The following SEMA3A variants were observed in gnomAD, a reference collection of about 807,000 sequenced individuals.
The protein encoded by SEMA3A is semaphorin 3A, also known as semaphorin-3A.
SEMA3A carries 29 observed loss-of-function variants against 97.9 expected under a neutral mutation model. The observed-to-expected ratio is 0.30, with a 90% confidence interval of 0.22 to 0.40. The LOEUF (loss-of-function observed/expected upper bound fraction) is 0.40, where lower values mean the gene tolerates loss of function less well. Among genes scored for constraint, SEMA3A ranks in the 10% least tolerant of loss-of-function variants. The probability of loss-of-function intolerance (pLI) is 1.00; values close to 1 mark genes in which losing one functional copy is unlikely to be tolerated. For synonymous variants in SEMA3A, 321 were observed against 323.7 expected (o/e 0.99, Z 0.09); for missense variants, 763 against 951.3 (o/e 0.80, Z 2.60).
intron 3 of SEMA3A, among the ~76,000 whole-genome samples, chr7:84,230,639 AC>A (rs1432643743): frequency 6.6e-6 from 1 of 151,746 alleles, no homozygotes; most frequent in Non-Finnish European, 1.5e-5. Context: ...CTACTGTCTA[AC>A]CATGTCTTGT....
intron 10 of SEMA3A, among the ~76,000 whole-genome samples, chr7:84,006,233 T>G (rs1790660314): frequency 6.6e-6 from 1 of 152,134 alleles, no homozygotes; most frequent in Admixed American, 6.6e-5. Context: ...TTTTATTGAA[T>G]ACATTTAATT....
At chr7:84,427,571 G>C (rs981411757) in intron 1 of SEMA3A, among the ~76,000 whole-genome samples, 1 of 148,516 alleles carries the variant, frequency 6.7e-6, no homozygotes, top group Non-Finnish European at 1.5e-5. Flanking sequence ...TTGAACCAGG[G>C]AGGCGGAGGT....
chr7:84,035,017 C>T (rs918597619), intron 6 of SEMA3A, among the ~76,000 whole-genome samples: 5 of 151,864 alleles, frequency 3.3e-5, no homozygotes, highest in Admixed American at 2.0e-4. Context: ...CTACCTTTTC[C>T]CATAAAATAA....
At chr7:84,050,337 T>A (rs563581322) in intron 5 of SEMA3A, among the ~76,000 whole-genome samples, 153 of 152,242 alleles carry the variant, frequency 1.0e-3, no homozygotes, top group Non-Finnish European at 1.7e-3. Context: ...GGTGTAAAAG[T>A]GTTCCTATTT....
At chr7:84,249,718 C>T (rs923690927) in intron 3 of SEMA3A, among the ~76,000 whole-genome samples, 6 of 151,500 alleles carry the variant, frequency 4.0e-5, no homozygotes, top group African/African-American at 1.2e-4. Context: ...GAGTCTGGTT[C>T]CAACTCTTAA....
intron 1 of SEMA3A, among the ~76,000 whole-genome samples, chr7:84,472,130 A>G (rs1806169098): frequency 6.6e-6 from 1 of 152,138 alleles, no homozygotes; most frequent in African/African-American, 2.4e-5. Flanking sequence ...ATAATAGAAA[A>G]GCAGGCATGT....
intron 3 of SEMA3A, among the ~76,000 whole-genome samples, chr7:84,122,896 C>G (rs1226076064): frequency 6.6e-6 from 1 of 152,194 alleles, no homozygotes; most frequent in Admixed American, 6.6e-5. Context: ...ATAAATCCCT[C>G]AAGAATTTTA....
chr7:84,077,918 G>A (rs2115783151), intron 4 of SEMA3A, among the ~76,000 whole-genome samples: 1 of 152,042 alleles, frequency 6.6e-6, no homozygotes. Flanking sequence ...CCAGTTGGGG[G>A]GAATGGCAAA....
chr7:84,370,933 G>T lies in SEMA3A; in HGVS notation c.-169+891C>A, dbSNP rs78592927. Among the ~76,000 whole-genome samples, 1,853 of 151,264 alleles carry T rather than the reference G, an allele frequency of 0.012. 65 individuals carry two copies. The East Asian group carries it at 0.14, about 12-fold the overall frequency. The stretch of plus-strand genomic sequence containing the variant: ...TAATTCATTTATTTGAAATAGATTA[G>T]TTGAGTATCTAGTATACCATATAGA... On this transcript the variant is annotated intron_variant, in intron 2 of 3. Transcript: ENST00000424555.
At chr7:84,393,796 T>A (rs537470880) in intron 1 of SEMA3A, among the ~76,000 whole-genome samples, 92 of 152,184 alleles carry the variant, frequency 6.0e-4, no homozygotes, top group Middle Eastern at 3.4e-3. Context: ...GTATCTTCCA[T>A]GAAAAATGAG....
intron 4 of SEMA3A, among the ~76,000 whole-genome samples, chr7:84,105,304 C>CAA (rs1481436044): frequency 6.6e-6 from 1 of 152,138 alleles, no homozygotes; most frequent in Non-Finnish European, 1.5e-5. Flanking sequence ...GTTGACAGAG[C>CAA]ATTACCTAGT....
At chr7:84,278,056 A>G (rs1446544859) in intron 3 of SEMA3A, among the ~76,000 whole-genome samples, 1 of 152,108 alleles carries the variant, frequency 6.6e-6, no homozygotes, top group Admixed American at 6.6e-5. Flanking sequence ...CCTCCTGCAT[A>G]TGAGTATTGG....
intron 3 of SEMA3A, among the ~76,000 whole-genome samples, chr7:84,235,555 G>GA (rs1486392568): frequency 1.3e-5 from 2 of 151,834 alleles, no homozygotes. Context: ...ATTGGAATAA[G>GA]AAAAATGATA....
chr7:84,307,359 T>C (rs1465363412), intron 2 of SEMA3A: 2 of 152,160 alleles, frequency 1.3e-5, no homozygotes, highest in Non-Finnish European at 2.9e-5. Context: ...TCAATTAATA[T>C]ATGCTCCACT....
At chr7:84,010,828 G>C (rs1790849434) in intron 9 of SEMA3A, among the ~76,000 whole-genome samples, 194 bp downstream of exon 9, 1 of 152,004 alleles carries the variant, frequency 6.6e-6, no homozygotes, top group Admixed American at 6.6e-5. Context: ...TTACAATGAT[G>C]ATTTTTTCTA....
At chr7:84,003,708 T>C (rs1790550373) in intron 11 of SEMA3A, among the ~76,000 whole-genome samples, 1 of 152,144 alleles carries the variant, frequency 6.6e-6, no homozygotes, top group South Asian at 2.1e-4. Flanking sequence ...AAAAGGCAAG[T>C]GTGACATGAC....
intron 13 of SEMA3A, among the ~76,000 whole-genome samples, chr7:83,983,566 T>C (rs892709905): frequency 1.3e-5 from 2 of 152,202 alleles, no homozygotes; most frequent in Admixed American, 6.5e-5. Flanking sequence ...GTGGAAAGAA[T>C]AGCAAACCAA....
chr7:84,060,640 G>A (rs957947704), intron 4 of SEMA3A, 82 bp from the exon 5 acceptor site: 6 of 845,316 alleles, frequency 7.1e-6, no homozygotes, highest in East Asian at 5.8e-5. Flanking sequence ...TAATCAGAGA[G>A]ATGTCAAGTA....
At chr7:84,017,527 A>T (rs904503103) in intron 6 of SEMA3A, among the ~76,000 whole-genome samples, 1 of 152,228 alleles carries the variant, frequency 6.6e-6, no homozygotes, top group African/African-American at 2.4e-5. Context: ...CTTGTGTTCA[A>T]GAAATTTAGG....
Sources: gnomAD v4.1 joint callset for allele counts (sites outside exome capture counted in the v4.1 genomes callset) on GRCh38, gnomAD v4.1.1 for gene constraint, MANE v1.5 for transcripts, NCBI Gene and HGNC (gene_info 2026-07-23, HGNC 2026-07-21) for gene names.